Variants in ZNF654 observed in about 807,000 individuals in gnomAD.
ZNF654 encodes the protein zinc finger protein 654.
ZNF654 carries 19 observed loss-of-function variants against 95.3 expected under a neutral mutation model. The ratio of observed to expected loss-of-function variants is 0.20; its 90% CI spans 0.14 to 0.29. The LOEUF (loss-of-function observed/expected upper bound fraction) is 0.29. ZNF654 is among the 10% of genes least tolerant of loss of function. ZNF654 has a pLI of 1.00. For missense variants in ZNF654, 1,046 were observed against 1,341.0 expected (o/e 0.78, Z 3.44); for synonymous variants, 413 against 457.9 (o/e 0.90, Z 1.25).
intron 3 of ZNF654, among the ~76,000 whole-genome samples, chr3:88,119,560 A>C (rs1233432582): frequency 5.9e-5 from 9 of 152,024 alleles, no homozygotes; most frequent in East Asian, 1.9e-4. Context: ...AAAAAAAAAA[A>C]AACAATAATT....
At chr3:88,107,089 T>C (rs1450114022) in intron 2 of ZNF654, among the ~76,000 whole-genome samples, 2 of 152,196 alleles carry the variant, frequency 1.3e-5, no homozygotes. Flanking sequence ...AATGAAATTG[T>C]CTACCCCCAG....
chr3:88,099,089 T>C (rs1291022166), intron 2 of ZNF654, among the ~76,000 whole-genome samples: 6 of 152,242 alleles, frequency 3.9e-5, no homozygotes, highest in South Asian at 4.1e-4. Context: ...GAAAACCCCA[T>C]TGTCTCAGCC....
intron 1 of ZNF654, among the ~76,000 whole-genome samples, chr3:88,065,856 C>G (rs915640385): frequency 6.6e-6 from 1 of 152,072 alleles, no homozygotes; most frequent in African/African-American, 2.4e-5. Flanking sequence ...CAGCCCCCAC[C>G]CCCAGTAGCT....
intron 1 of ZNF654, among the ~76,000 whole-genome samples, chr3:88,062,077 TTAA>T (rs1213784157): frequency 8.5e-5 from 13 of 152,320 alleles, no homozygotes; most frequent in African/African-American, 3.1e-4. Context: ...AGATACAGTG[TTAA>T]TAATATTGGA....
chr3:88,059,638 C>G (rs1431084373), intron 1 of ZNF654, 133 bp downstream of exon 1: 4 of 1,331,214 alleles, frequency 3.0e-6, no homozygotes, highest in Non-Finnish European at 1.9e-6. Context: ...GAGGCTGAAG[C>G]TCCCTCCTCC....
At chr3:88,126,830 A>G (rs1348639591) in intron 4 of ZNF654, among the ~76,000 whole-genome samples, 1 of 152,132 alleles carries the variant, frequency 6.6e-6, no homozygotes, top group African/African-American at 2.4e-5. Flanking sequence ...GAATGAATAA[A>G]TTTGAATTCT....
intron 3 of ZNF654, among the ~76,000 whole-genome samples, chr3:88,124,784 T>C (rs530196697): frequency 0.054 from 7,904 of 147,420 alleles, 284 homozygotes; most frequent in Non-Finnish European, 0.085. Flanking sequence ...TTTTTTTTTT[T>C]CAACATTGCC....
rs1487525905 is a variant in ZNF654, at chr3:88,143,114, C to T, written c.*1462C>T. 3 of 152,314 alleles carry T rather than the reference C, an allele frequency of 2.0e-5. No homozygotes were observed. Among genetic ancestry groups the T allele is most frequent in the Non-Finnish European group, 4.4e-5 (3 of 67,782 alleles). The allele number at this position is 152,314 out of a possible 1,614,324, so 9.4% of individuals were successfully genotyped here. A position where few individuals can be genotyped will look rare whatever the true frequency, so the allele number is the denominator to read the frequency against. The stretch of plus-strand genomic sequence containing the variant: ...CTTTGTTCAAGGCAGATAATCTCAT[C>T]AGACCCTATTAGAGCTTCTTGAATG... On this transcript the variant is annotated 3_prime_UTR_variant, in exon 9 of 9. Transcript: ENST00000636215.
chr3:88,141,325 T>G (rs1021818141), intron 8 of ZNF654, among the ~76,000 whole-genome samples: 1 of 98,140 alleles, frequency 1.0e-5, no homozygotes, highest in Non-Finnish European at 2.3e-5. Context: ...GTTTTTCATA[T>G]TCTTTGATTA....
chr3:88,120,727 A>G (rs944643896), intron 3 of ZNF654, among the ~76,000 whole-genome samples: 2 of 152,202 alleles, frequency 1.3e-5, no homozygotes, highest in African/African-American at 4.8e-5. Context: ...TACTCATACT[A>G]TATACATTAT....
chr3:88,103,166 AT>A (rs570313871), intron 2 of ZNF654, among the ~76,000 whole-genome samples: 59 of 151,760 alleles, frequency 3.9e-4, no homozygotes, highest in Non-Finnish European at 8.1e-4. Flanking sequence ...TTACAGACAC[AT>A]TTTTTTTTAA....
At chr3:88,127,876 G>C (rs1172545412) in intron 4 of ZNF654, among the ~76,000 whole-genome samples, 1 of 152,156 alleles carries the variant, frequency 6.6e-6, no homozygotes, top group African/African-American at 2.4e-5. Flanking sequence ...CCAGAGTGAA[G>C]TTATCTTTGC....
intron 7 of ZNF654, among the ~76,000 whole-genome samples, chr3:88,136,608 T>C (rs1451500571): frequency 2.0e-5 from 3 of 152,170 alleles, no homozygotes; most frequent in Non-Finnish European, 4.4e-5. Context: ...CATTTTATTA[T>C]TTGTTTTTCA....
chr3:88,140,650 C>T lies in ZNF654; in HGVS notation c.2981C>T (p.Ala994Val), dbSNP rs1335253637. 6.2e-7 allele frequency: 1 copy of T among 1,613,758 alleles called. No homozygotes were observed. ...EQTPLVSSDPALKIDTNRIRT... is the reference protein window; with the variant it reads ...EQTPLVSSDPVLKIDTNRIRT... ...ACACCTTTAGTTTCATCAGATCCTG[C>T]TTTGAAAATTGATACAAACAGAATC... is the stretch of plus-strand genomic sequence containing the variant. The change falls in exon 8 of 9, where the codon GCT (alanine) becomes GTT (valine). Residue 994 changes from alanine (A) to valine (V), a missense_variant. This residue lies in a region of ZNF654 where 495 missense variants were observed against 537.0 expected (regional missense o/e 0.92). Coordinates refer to ENST00000636215, the MANE Select transcript of ZNF654 (RefSeq NM_001350134.2).
intron 3 of ZNF654, among the ~76,000 whole-genome samples, chr3:88,125,144 G>T (rs1048274778): frequency 1.3e-5 from 2 of 151,698 alleles, no homozygotes; most frequent in African/African-American, 4.8e-5. Context: ...GAACCTGGGA[G>T]GCAGAGGTTG....
intron 2 of ZNF654, among the ~76,000 whole-genome samples, chr3:88,105,261 C>A (rs1169917498): frequency 6.9e-6 from 1 of 143,942 alleles, no homozygotes; most frequent in African/African-American, 2.5e-5. Context: ...TTTAGATAAA[C>A]AGATACATAC....
At chr3:88,071,754 A>G (rs1707527222) in intron 1 of ZNF654, among the ~76,000 whole-genome samples, 1 of 152,160 alleles carries the variant, frequency 6.6e-6, no homozygotes, top group African/African-American at 2.4e-5. Flanking sequence ...CAGTGAGCTG[A>G]GATCGTACCA....
chr3:88,079,233 T>A (rs1436220309), intron 1 of ZNF654, among the ~76,000 whole-genome samples: 7 of 152,118 alleles, frequency 4.6e-5, no homozygotes, highest in African/African-American at 1.7e-4. Context: ...AAGTCTTATG[T>A]TCCATATTGG....
chr3:88,063,066 CAG>C (rs1280610010), intron 1 of ZNF654, among the ~76,000 whole-genome samples: 1 of 152,148 alleles, frequency 6.6e-6, no homozygotes, highest in African/African-American at 2.4e-5. Flanking sequence ...GCGGGGTTCT[CAG>C]AGATTTTGTT....
Sources: gnomAD v4.1 joint callset for allele counts (sites outside exome capture counted in the v4.1 genomes callset) on GRCh38, gnomAD v4.1.1 for gene constraint, gnomAD v4.1.1 regional missense constraint, MANE v1.5 for transcripts, NCBI Gene and HGNC (gene_info 2026-07-23, HGNC 2026-07-21) for gene names.